The following MED14 variants were observed in gnomAD, a reference collection of about 807,000 sequenced individuals.
MED14 encodes the protein mediator of RNA polymerase II transcription subunit 14.
In MED14, 8 loss-of-function variants were observed where a neutral mutation model predicts 109.0. That is an observed-to-expected ratio of 0.07 (90% CI 0.04 to 0.13). The LOEUF is 0.13. Ranked by LOEUF, MED14 falls within the 10% of genes least tolerant of loss-of-function variation. The probability of loss-of-function intolerance (pLI) is 1.00; values close to 1 mark genes in which losing one functional copy is unlikely to be tolerated. For missense variants in MED14, 711 were observed against 1,142.4 expected, an observed-to-expected ratio of 0.62 and a Z score of 5.44; for synonymous variants, 399 against 408.7, an observed-to-expected ratio of 0.98 and a Z score of 0.29.
intron 21 of MED14, among the ~76,000 whole-genome samples, chrX:40,679,364 A>G (rs950320516): frequency 1.3e-4 from 14 of 111,285 alleles, no homozygotes; most frequent in Admixed American, 1.1e-3. Context: ...AAAATTAGCC[A>G]GGTGTGGTGG....
At chrX:40,658,284 G>A (rs374606267) in intron 28 of MED14, among the ~76,000 whole-genome samples, 1 of 109,153 alleles carries the variant, frequency 9.2e-6, no homozygotes, top group East Asian at 2.9e-4. Context: ...TAGAGACAGG[G>A]TTTCACCACA....
At chrX:40,706,955 T>TA (rs1215200633) in intron 10 of MED14, among the ~76,000 whole-genome samples, 1 of 112,001 alleles carries the variant, frequency 8.9e-6, no homozygotes, top group Non-Finnish European at 1.9e-5. Context: ...GCAAAATACT[T>TA]AAAGTCTTCT....
intron 3 of MED14, among the ~76,000 whole-genome samples, chrX:40,716,607 A>G (rs949910218): frequency 9.4e-6 from 1 of 106,893 alleles, no homozygotes; most frequent in Non-Finnish European, 1.9e-5. Context: ...AAAAAAAACC[A>G]CTAACAACTA....
rs1167207888 is a variant in MED14, at chrX:40,648,480, A to C, written c.*3326T>G. The stretch of plus-strand genomic sequence containing the variant: ...CAGACTCAAACTGCCCCTTCTTAGC[A>C]GTTTGATCTTAAGCAACCTTAATTT... On this transcript the variant is annotated 3_prime_UTR_variant, in exon 31 of 31. Coordinates refer to ENST00000324817, the MANE Select transcript of MED14 (RefSeq NM_004229.4). 2.7e-5 allele frequency: 3 copies of C among 112,164 alleles called. No individual in the cohort carries two copies. The highest frequency in any genetic ancestry group is 5.6e-5 in the Non-Finnish European group (3 of 53,235). 9.2% of individuals were successfully genotyped at this position (112,164 alleles called of 1,213,427 possible).
chrX:40,714,916 T>C (rs2146716956), intron 3 of MED14: 2 of 353,340 alleles, frequency 5.7e-6, no homozygotes, highest in East Asian at 9.1e-5. Context: ...AATAATTTTC[T>C]GTCACTTTAA....
intron 1 of MED14, 38 bp downstream of exon 1, chrX:40,735,160 G>A: frequency 5.0e-6 from 5 of 1,005,114 alleles, no homozygotes; most frequent in Non-Finnish European, 6.6e-6. Context: ...GGGCGGGAAG[G>A]GGGGCTGGGG....
In MED14 at chrX:40,651,317, G is replaced by T. The variant is rs1014942064; in HGVS notation, c.*489C>A. On this transcript the variant is annotated 3_prime_UTR_variant, in exon 31 of 31. Transcript: ENST00000324817. ...TTTTATTAAATATTGCTTCCTTGGG[G>T]TGTGTTTATAACAACTCCCAGAACA... The T allele has an allele frequency of 7.9e-5, 59 of 750,764 alleles. No individual in the cohort carries two copies. The highest frequency in any genetic ancestry group is 9.1e-5 in the Non-Finnish European group (58 of 637,610). 61.9% of individuals were successfully genotyped at this position (750,764 alleles called of 1,213,427 possible).
chrX:40,650,198 G>A lies in MED14; in HGVS notation c.*1608C>T. On this transcript the variant is annotated 3_prime_UTR_variant, in exon 31 of 31. Coordinates refer to ENST00000324817, the MANE Select transcript of MED14 (RefSeq NM_004229.4). ...GATAAAAAGATTAAGTTAAAGGAAG[G>A]ATAAAAGTTTAGTCAACTGCTCCTG... 1.3e-6 allele frequency: 1 copy of A among 754,104 alleles called. No homozygotes were observed. The allele number at this position is 754,104 out of a possible 1,213,427, so 62.1% of individuals were successfully genotyped here.
chrX:40,678,053 A>G (rs774678587), intron 21 of MED14, among the ~76,000 whole-genome samples: 12 of 111,070 alleles, frequency 1.1e-4, no homozygotes, highest in African/African-American at 3.6e-4. Context: ...CCCACCCCCC[A>G]TGTACCTTCT....
chrX:40,658,978 G>T (rs1929172194), intron 28 of MED14, among the ~76,000 whole-genome samples: 1 of 112,285 alleles, frequency 8.9e-6, no homozygotes, highest in Admixed American at 9.4e-5. Context: ...GACAGGGATA[G>T]AGGGGACAGG....
At position 40,710,002 on chromosome X, in the gene MED14, T is replaced by C. The variant is rs753051407; in HGVS notation, c.1150A>G (p.Lys384Glu). Residue 384 changes from lysine to glutamate, a missense_variant, in exon 9 of 31, where the codon AAA becomes GAA. Physicochemically the swap from Lys to Glu is moderately conservative, Grantham distance 56 (BLOSUM62 1). Around this residue, in one of 8 missense-constraint regions of MED14, gnomAD observed 388 missense variants for 517.3 expected, o/e 0.75. Coordinates refer to ENST00000324817, the MANE Select transcript of MED14 (RefSeq NM_004229.4). ...HDPPLPASDS[K>E]LVERAMKIDH... ...ACCTTCATGGCTCTTTCTACTAATTTGGAATCAGAAGCTGGCAAAGGAGGA... is the reference window on the plus strand; with the variant it reads ...ACCTTCATGGCTCTTTCTACTAATTCGGAATCAGAAGCTGGCAAAGGAGGA... The C allele has an allele frequency of 1.7e-6, 2 of 1,184,390 alleles. No homozygotes were observed. Among genetic ancestry groups the C allele is most frequent in the South Asian group, 3.8e-5 (2 of 52,905 alleles).
intron 21 of MED14, among the ~76,000 whole-genome samples, chrX:40,676,827 G>A (rs778050251): frequency 5.4e-5 from 6 of 111,921 alleles, no homozygotes; most frequent in Non-Finnish European, 1.1e-4. Flanking sequence ...CACCACGATT[G>A]TAAATTTCCT....
At chrX:40,655,189 G>T in intron 28 of MED14, 129 bp from the exon 29 acceptor site, 1 of 651,729 alleles carries the variant, frequency 1.5e-6, no homozygotes, top group Non-Finnish European at 2.3e-6. Context: ...GTTAATAACT[G>T]CACTTTTTCA....
At chrX:40,696,887 A>G (rs1222823418) in intron 13 of MED14, 137 bp downstream of exon 13, 3 of 530,921 alleles carry the variant, frequency 5.7e-6, no homozygotes, top group East Asian at 7.1e-5. Flanking sequence ...TCTCTCCCCA[A>G]TTCTAAACCC....
At chrX:40,696,157 T>G (rs1214200874) in intron 13 of MED14, among the ~76,000 whole-genome samples, 2 of 102,864 alleles carry the variant, frequency 1.9e-5, no homozygotes, top group Non-Finnish European at 4.0e-5. Flanking sequence ...TTTTTTGAGA[T>G]GGAGTCTCAC....
At chrX:40,703,705 T>C (rs892997678) in intron 10 of MED14, 136 bp from the exon 11 acceptor site, 1 of 443,003 alleles carries the variant, frequency 2.3e-6, no homozygotes, top group South Asian at 5.5e-5. Context: ...TTTGCAAAAT[T>C]TGCAATAGTA....
intron 15 of MED14, among the ~76,000 whole-genome samples, chrX:40,690,842 G>A (rs890993127): frequency 3.6e-5 from 4 of 112,289 alleles, no homozygotes; most frequent in Non-Finnish European, 7.5e-5. Context: ...CCACTTGACC[G>A]ACAAAGTCTA....
chrX:40,651,199 C>T lies in MED14; in HGVS notation c.*607G>A. ...TTATAAATTAATAACTGGCTCCATC[C>T]ACCAGGTTAAAGATGAAGGGAGGGC... is the stretch of plus-strand genomic sequence containing the variant. On this transcript the variant is annotated 3_prime_UTR_variant, in exon 31 of 31. Coordinates refer to ENST00000324817, the MANE Select transcript of MED14 (RefSeq NM_004229.4). 1 of 751,028 alleles carries T rather than the reference C, an allele frequency of 1.3e-6. No homozygotes were observed. The highest frequency in any genetic ancestry group is 1.5e-4 in the East Asian group (1 of 6,665). 61.9% of individuals were successfully genotyped at this position (751,028 alleles called of 1,213,427 possible).
intron 25 of MED14, 67 bp downstream of exon 25, chrX:40,664,240 G>C: frequency 1.0e-6 from 1 of 1,000,637 alleles, no homozygotes; most frequent in Non-Finnish European, 1.4e-6. Flanking sequence ...TCAAATGTGA[G>C]GATGCAACAA....
Sources: gnomAD v4.1 joint callset for allele counts (sites outside exome capture counted in the v4.1 genomes callset) on GRCh38, gnomAD v4.1.1 for gene constraint, gnomAD v4.1.1 regional missense constraint, MANE v1.5 for transcripts, NCBI Gene and HGNC (gene_info 2026-07-23, HGNC 2026-07-21) for gene names.